SLC10A7: variants seen among roughly 807,000 people sequenced by gnomAD.
SLC10A7 encodes the protein solute carrier family 10 member 7, also known as sodium/bile acid cotransporter 7.
Under a neutral mutation model 43.2 loss-of-function variants are expected in SLC10A7, and 29 were observed. The ratio of observed to expected loss-of-function variants is 0.67; its 90% confidence interval spans 0.50 to 0.92. The LOEUF (loss-of-function observed/expected upper bound fraction) is 0.92. Ranked by LOEUF, SLC10A7 falls within the 40% of genes least tolerant of loss-of-function variation. The pLI, the probability that SLC10A7 is intolerant of heterozygous loss-of-function variation, is 0.00. For missense variants in SLC10A7, 295 were observed against 403.2 expected, an observed-to-expected ratio of 0.73 and a Z score of 2.30; for synonymous variants, 152 against 144.8, an observed-to-expected ratio of 1.05 and a Z score of -0.35.
intron 7 of SLC10A7, among the ~76,000 whole-genome samples, chr4:146,305,079 A>T (rs1384079212): frequency 6.6e-6 from 1 of 151,618 alleles, no homozygotes; most frequent in Non-Finnish European, 1.5e-5. Context: ...TACTGGGTAT[A>T]TACCCAAAGG....
At chr4:146,406,140 T>C (rs1727668776) in intron 5 of SLC10A7, among the ~76,000 whole-genome samples, 1 of 152,166 alleles carries the variant, frequency 6.6e-6, no homozygotes, top group Non-Finnish European at 1.5e-5. Context: ...ATTCAGTAGA[T>C]TCTCAGTTCT....
At chr4:146,441,999 C>T (rs1284364500) in intron 5 of SLC10A7, 3 of 978,548 alleles carry the variant, frequency 3.1e-6, no homozygotes, top group Admixed American at 6.2e-5. Context: ...TAAATCACTG[C>T]ACTACATATC....
At chr4:146,281,633 G>A (rs1729564103) in intron 10 of SLC10A7, among the ~76,000 whole-genome samples, 1 of 152,082 alleles carries the variant, frequency 6.6e-6, no homozygotes, top group Non-Finnish European at 1.5e-5. Context: ...GAAGACCTGA[G>A]ACACCAGGCA....
At chr4:146,511,033 C>T (rs1327846762) in intron 2 of SLC10A7, among the ~76,000 whole-genome samples, 4 of 152,132 alleles carry the variant, frequency 2.6e-5, no homozygotes, top group Admixed American at 2.6e-4. Context: ...TAAGTAAATA[C>T]TATTATCCCT....
intron 4 of SLC10A7, among the ~76,000 whole-genome samples, chr4:146,498,407 C>T (rs752845766): frequency 1.1e-4 from 17 of 152,028 alleles, no homozygotes; most frequent in Non-Finnish European, 1.9e-4. Flanking sequence ...CATGAGCCAC[C>T]GCCCCCGGCC....
intron 5 of SLC10A7, among the ~76,000 whole-genome samples, chr4:146,383,262 C>T (rs932110827): frequency 5.3e-5 from 8 of 152,116 alleles, no homozygotes; most frequent in Non-Finnish European, 1.2e-4. Context: ...TCTCTCAACT[C>T]CCTATGAGAC....
intron 5 of SLC10A7, among the ~76,000 whole-genome samples, chr4:146,433,568 A>G (rs1009894298): frequency 2.0e-5 from 3 of 152,148 alleles, no homozygotes; most frequent in Non-Finnish European, 4.4e-5. Flanking sequence ...ATACTCTTGT[A>G]AGATGATAAA....
intron 11 of SLC10A7, 141 bp downstream of exon 11, chr4:146,258,551 A>C (rs768966071): frequency 5.4e-6 from 4 of 742,010 alleles, no homozygotes; most frequent in Non-Finnish European, 8.4e-6. Context: ...TCAGTGCACC[A>C]TTATTATTGT....
chr4:146,470,832 T>C (rs569408879), intron 4 of SLC10A7, among the ~76,000 whole-genome samples: 4 of 152,276 alleles, frequency 2.6e-5, no homozygotes, highest in African/African-American at 9.6e-5. Context: ...GGCTAGCATG[T>C]TGGTATGGGA....
Position 146,521,906 on chromosome 4 carries a change from T to C in SLC10A7, c.-189A>G, listed in dbSNP as rs1031457485. Reference sequence around the variant, plus strand: ...CGGCGGCTTTGAGGAGGGTTGGGAGTAGTAGTAGCCAGTGACAGGAAAGTC... The same window carrying C: ...CGGCGGCTTTGAGGAGGGTTGGGAGCAGTAGTAGCCAGTGACAGGAAAGTC... On this transcript the variant is annotated 5_prime_UTR_variant, in exon 1 of 12. Coordinates refer to ENST00000335472, the MANE Select transcript of SLC10A7 (RefSeq NM_001029998.6). The C allele has an allele frequency of 5.4e-6, 3 of 559,788 alleles. No homozygotes were observed. Among genetic ancestry groups the C allele is most frequent in the Non-Finnish European group, 9.5e-6 (3 of 315,154 alleles). The allele number at this position is 559,788 out of a possible 1,614,324, so 34.7% of individuals were successfully genotyped here. A position where few individuals can be genotyped will look rare whatever the true frequency, so the allele number is the denominator to read the frequency against.
chr4:146,504,863 TA>T (rs1273708644), intron 3 of SLC10A7, among the ~76,000 whole-genome samples: 1 of 152,240 alleles, frequency 6.6e-6, no homozygotes, highest in Non-Finnish European at 1.5e-5. Flanking sequence ...ATTTGGTTTT[TA>T]TTATATTATG....
intron 2 of SLC10A7, among the ~76,000 whole-genome samples, chr4:146,511,526 A>G (rs1737464052): frequency 6.6e-6 from 1 of 152,222 alleles, no homozygotes; most frequent in African/African-American, 2.4e-5. Flanking sequence ...ACGTTAATGC[A>G]GACTCATTCG....
At chr4:146,418,862 C>T (rs1385186408) in intron 5 of SLC10A7, among the ~76,000 whole-genome samples, 1 of 152,242 alleles carries the variant, frequency 6.6e-6, no homozygotes, top group Non-Finnish European at 1.5e-5. Flanking sequence ...GTGGCTTGTG[C>T]TTCTACCTGA....
chr4:146,363,514 A>G (rs1049872586), intron 5 of SLC10A7, among the ~76,000 whole-genome samples: 1 of 152,176 alleles, frequency 6.6e-6, no homozygotes. Context: ...GACCTAATAG[A>G]CATCTACAGA....
intron 4 of SLC10A7, among the ~76,000 whole-genome samples, chr4:146,451,649 G>A (rs1452916290): frequency 2.6e-5 from 4 of 152,100 alleles, no homozygotes; most frequent in Non-Finnish European, 5.9e-5. Flanking sequence ...CTCAATAGAT[G>A]CAGAAAATGC....
chr4:146,347,196 G>A (rs1734686987), intron 5 of SLC10A7, among the ~76,000 whole-genome samples: 1 of 152,120 alleles, frequency 6.6e-6, no homozygotes, highest in Non-Finnish European at 1.5e-5. Flanking sequence ...TGTAGACAAG[G>A]AAGTGTGTTC....
intron 6 of SLC10A7, among the ~76,000 whole-genome samples, chr4:146,319,392 C>G (rs1183830567): frequency 6.6e-6 from 1 of 152,008 alleles, no homozygotes; most frequent in African/African-American, 2.4e-5. Context: ...CTCAGTGAAT[C>G]TGAACTTAAC....
At position 146,447,938 on chromosome 4, in the gene SLC10A7, CT is replaced by C. The variant is rs563631851; in HGVS notation, c.397-5118del. On this transcript the variant is annotated intron_variant, in intron 4 of 11. Transcript: ENST00000335472. Reference sequence around the variant, plus strand: ...GTAAATTTCTTAAAAAAAAAAAAACCTAATCATTCTCAGCAAACTATCGCAA... The same window carrying C: ...GTAAATTTCTTAAAAAAAAAAAAACCAATCATTCTCAGCAAACTATCGCAA... Among the ~76,000 whole-genome samples, 14 of 150,818 alleles carry C rather than the reference CT, an allele frequency of 9.3e-5. No homozygotes were observed. The East Asian group carries it at 2.5e-3, about 27-fold the overall frequency.
At chr4:146,285,873 T>C (rs1302334160) in intron 9 of SLC10A7, among the ~76,000 whole-genome samples, 1 of 148,832 alleles carries the variant, frequency 6.7e-6, no homozygotes, top group East Asian at 2.0e-4. Context: ...GGACTGAACT[T>C]GGAGAGGTGA....
Sources: gnomAD v4.1 joint callset for allele counts (sites outside exome capture counted in the v4.1 genomes callset) on GRCh38, gnomAD v4.1.1 for gene constraint, MANE v1.5 for transcripts, NCBI Gene and HGNC (gene_info 2026-07-23, HGNC 2026-07-21) for gene names.